RBM20: variants seen among roughly 807,000 people sequenced by gnomAD.
The protein encoded by RBM20 is RNA-binding protein 20.
Under a neutral mutation model 110.1 loss-of-function variants are expected in RBM20, and 51 were observed. The observed-to-expected ratio is 0.46, with a 90% CI of 0.37 to 0.59. The LOEUF (loss-of-function observed/expected upper bound fraction) is 0.59. Among genes scored for constraint, RBM20 ranks in the 20% least tolerant of loss-of-function variants. RBM20 has a pLI of 0.00. For synonymous variants in RBM20, 589 were observed against 618.2 expected (o/e 0.95, Z 0.70); for missense variants, 1,512 against 1,574.9 (o/e 0.96, Z 0.68).
chr10:110,705,499 G>C (rs764630958), intron 1 of RBM20, among the ~76,000 whole-genome samples: 25 of 152,206 alleles, frequency 1.6e-4, no homozygotes, highest in Non-Finnish European at 2.8e-4. Context: ...TACAAACTGT[G>C]TTGGAAATGG....
chr10:110,674,758 C>A (rs1033138590), intron 1 of RBM20, among the ~76,000 whole-genome samples: 1 of 152,182 alleles, frequency 6.6e-6, no homozygotes, highest in Non-Finnish European at 1.5e-5. Flanking sequence ...TTTTTAGATT[C>A]TTTCTTGATT....
At chr10:110,809,355 T>C (rs889943052) in intron 7 of RBM20, among the ~76,000 whole-genome samples, 1 of 152,012 alleles carries the variant, frequency 6.6e-6, no homozygotes, top group African/African-American at 2.4e-5. Context: ...TTTAAAAAAA[T>C]CAGCTTTATT....
Position 110,812,542 on chromosome 10 carries a change from C to T in RBM20, c.2145C>T (p.Pro715=), listed in dbSNP as rs764304126. ...DPWAHDRKHH[P]RQLDKAELDE... The stretch of plus-strand genomic sequence containing the variant: ...GGGCACATGATCGCAAACACCACCC[C>T]CGGCAACTGGACAAGGCTGAGTTGG... Residue 715 remains proline (P), a synonymous_variant, in exon 9 of 14, where the codon CCC becomes CCT. Transcript: ENST00000369519. The T allele has an allele frequency of 1.2e-4, 187 of 1,551,616 alleles. No homozygotes were observed. The highest frequency in any genetic ancestry group is 1.7e-4 in the Middle Eastern group (1 of 6,014).
At chr10:110,748,347 G>C (rs747380602) in intron 1 of RBM20, among the ~76,000 whole-genome samples, 4 of 152,178 alleles carry the variant, frequency 2.6e-5, no homozygotes, top group Admixed American at 2.0e-4. Context: ...TGAGCCCTGT[G>C]GGGAGGGCTC....
chr10:110,783,107 A>G lies in RBM20; in HGVS notation c.1276-259A>G, dbSNP rs12254016. ...CATTGAGAGGGGTAGAGGGAATCCA[A>G]TTTGTGAGTCTGGGCTCCTGTTCAA... is the stretch of plus-strand genomic sequence containing the variant. On this transcript the variant is annotated intron_variant, in intron 2 of 13. Coordinates refer to ENST00000369519, the MANE Select transcript of RBM20 (RefSeq NM_001134363.3). Among the ~76,000 whole-genome samples the G allele has an allele frequency of 0.43, 65,673 of 151,776 alleles. 15,355 individuals are homozygous for G. The highest frequency in any genetic ancestry group is 0.61 in the South Asian group (2,947 of 4,814).
chr10:110,830,789 G>A (rs938262540), intron 12 of RBM20, among the ~76,000 whole-genome samples: 4 of 152,112 alleles, frequency 2.6e-5, no homozygotes, highest in East Asian at 1.9e-4. Flanking sequence ...ACAGGCCAGC[G>A]GCAGGCCATG....
At chr10:110,686,909 C>T (rs903329894) in intron 1 of RBM20, among the ~76,000 whole-genome samples, 1 of 151,866 alleles carries the variant, frequency 6.6e-6, no homozygotes, top group Non-Finnish European at 1.5e-5. Context: ...TGTGGTGGTG[C>T]ATGCCTGTAG....
intron 1 of RBM20, among the ~76,000 whole-genome samples, chr10:110,730,812 T>C (rs1843612909): frequency 6.6e-6 from 1 of 152,180 alleles, no homozygotes; most frequent in Non-Finnish European, 1.5e-5. Context: ...AGCAAAGTCA[T>C]GTGGGAGAGG....
intron 6 of RBM20, among the ~76,000 whole-genome samples, chr10:110,798,353 G>A (rs1844577882): frequency 6.6e-6 from 1 of 152,186 alleles, no homozygotes; most frequent in Non-Finnish European, 1.5e-5. Flanking sequence ...CTTAAAGAAG[G>A]CTGAACTTTG....
rs540365206 is a variant in RBM20, at chr10:110,762,686, CCTGTGGCTGG to C, written c.192-18103_192-18094del. Reference sequence around the variant, plus strand: ...GTAGGCACGGTCCTCATCCTTCTTTCCTGTGGCTGGCTGTGGCTGGCAGGTTTCAGGTGTT... The same window carrying C: ...GTAGGCACGGTCCTCATCCTTCTTTCCTGTGGCTGGCAGGTTTCAGGTGTT... On this transcript the variant is annotated intron_variant, in intron 1 of 13. Transcript: ENST00000369519. 1.4e-4 allele frequency among the ~76,000 whole-genome samples: 22 copies of C among 152,332 alleles called. No homozygotes were observed. In the South Asian group the frequency reaches 4.6e-3, roughly 32 times the overall value.
chr10:110,683,385 AT>A (rs1456682121), intron 1 of RBM20, among the ~76,000 whole-genome samples: 1 of 152,194 alleles, frequency 6.6e-6, no homozygotes, highest in Non-Finnish European at 1.5e-5. Context: ...CATTAGAGCG[AT>A]TGGAGCTGGT....
intron 1 of RBM20, among the ~76,000 whole-genome samples, chr10:110,662,094 A>G (rs890485058): frequency 1.3e-5 from 2 of 151,820 alleles, no homozygotes; most frequent in African/African-American, 2.4e-5. Flanking sequence ...CTCAAGGGAG[A>G]TGATCTTCAG....
intron 1 of RBM20, among the ~76,000 whole-genome samples, chr10:110,669,921 G>T (rs1366000276): frequency 6.6e-6 from 1 of 152,174 alleles, no homozygotes; most frequent in African/African-American, 2.4e-5. Flanking sequence ...CTGATTAAAG[G>T]TTGCTGAATT....
chr10:110,802,115 T>C lies in RBM20; in HGVS notation c.1800+2197T>C, dbSNP rs115924954. Among the ~76,000 whole-genome samples, 961 of 152,320 alleles carry C rather than the reference T, an allele frequency of 6.3e-3. 8 individuals are homozygous for C. Among genetic ancestry groups the C allele is most frequent in the African/African-American group, 0.019 (793 of 41,572 alleles). On this transcript the variant is annotated intron_variant, in intron 7 of 13. Coordinates refer to ENST00000369519, the MANE Select transcript of RBM20 (RefSeq NM_001134363.3). ...ATTTTGTGCTTTCTACTGTTCCATTTAATAGGGATTTTCCCGTTCACTTTA... is the reference window on the plus strand; with the variant it reads ...ATTTTGTGCTTTCTACTGTTCCATTCAATAGGGATTTTCCCGTTCACTTTA...
chr10:110,794,366 T>A (rs1486815498), intron 5 of RBM20, among the ~76,000 whole-genome samples: 1 of 152,204 alleles, frequency 6.6e-6, no homozygotes, highest in East Asian at 1.9e-4. Context: ...AAAAATTAAT[T>A]TATCTTTCTA....
At chr10:110,716,923 GAA>G (rs34627248) in intron 1 of RBM20, among the ~76,000 whole-genome samples, 19,733 of 144,560 alleles carry the variant, frequency 0.14, 1,380 homozygotes, top group African/African-American at 0.17. Context: ...AAAAAAAAAA[GAA>G]AAAAAAAAAA....
At chr10:110,729,831 A>AT (rs1186853808) in intron 1 of RBM20, among the ~76,000 whole-genome samples, 2 of 151,962 alleles carry the variant, frequency 1.3e-5, no homozygotes, top group Admixed American at 6.6e-5. Flanking sequence ...TTATTTATTT[A>AT]TTTTTTGAGA....
rs551351415 is a variant in RBM20 at position 110,676,440 on chromosome 10, G to GA, written c.191+31802dup. 3.3e-5 allele frequency among the ~76,000 whole-genome samples: 5 copies of GA among 152,172 alleles called. No individual in the cohort carries two copies. In the East Asian group the frequency reaches 9.6e-4, roughly 29 times the overall value. ...GACGTTTAGACAACATGCATAAAAGGAAAAAAACAGTGGAAGAGAAACTTT... is the reference window on the plus strand; with the variant it reads ...GACGTTTAGACAACATGCATAAAAGGAAAAAAAACAGTGGAAGAGAAACTTT... On this transcript the variant is annotated intron_variant, in intron 1 of 13. Transcript: ENST00000369519.
intron 1 of RBM20, among the ~76,000 whole-genome samples, chr10:110,645,079 A>G (rs1467694338): frequency 6.6e-6 from 1 of 152,216 alleles, no homozygotes; most frequent in African/African-American, 2.4e-5. Flanking sequence ...CCCTGAAACC[A>G]ACCAGTGGAA....
Sources: gnomAD v4.1 joint callset for allele counts (sites outside exome capture counted in the v4.1 genomes callset) on GRCh38, gnomAD v4.1.1 for gene constraint, MANE v1.5 for transcripts, NCBI Gene and HGNC (gene_info 2026-07-23, HGNC 2026-07-21) for gene names.